The following KIF1B variants were observed in gnomAD, a reference collection of about 807,000 sequenced individuals.
KIF1B encodes kinesin-like protein KIF1B.
In KIF1B, 76 loss-of-function variants were observed where a neutral mutation model predicts 241.9. The observed-to-expected ratio is 0.31, with a 90% CI of 0.26 to 0.38. The LOEUF (loss-of-function observed/expected upper bound fraction) is 0.38. Among genes scored for constraint, KIF1B ranks in the 10% least tolerant of loss-of-function variants. KIF1B has a pLI of 1.00. For missense variants in KIF1B, 1,622 were observed against 2,271.4 expected (o/e 0.71, Z 5.81); for synonymous variants, 750 against 796.7 (o/e 0.94, Z 0.99).
At chr1:10,228,340 C>T (rs1646936298) in intron 1 of KIF1B, among the ~76,000 whole-genome samples, 1 of 149,902 alleles carries the variant, frequency 6.7e-6, no homozygotes, top group African/African-American at 2.5e-5. Flanking sequence ...CCTCTGTAAC[C>T]ATTGATCTAT....
chr1:10,357,315 C>T (rs1427134668), intron 38 of KIF1B, among the ~76,000 whole-genome samples: 1 of 152,246 alleles, frequency 6.6e-6, no homozygotes, highest in Non-Finnish European at 1.5e-5. Flanking sequence ...GGAATTACTT[C>T]TCACCACCTT....
At position 10,321,973 on chromosome 1, in the gene KIF1B, AT is replaced by A; in HGVS notation, c.2358+117del. 4 of 1,069,158 alleles carry A rather than the reference AT, an allele frequency of 3.7e-6. No homozygotes were observed. The South Asian group carries it at 5.4e-5, about 14-fold the overall frequency. 66.2% of individuals were successfully genotyped at this position (1,069,158 alleles called of 1,614,324 possible). On this transcript the variant is annotated intron_variant, in intron 24 of 48. Coordinates refer to ENST00000676179, the MANE Select transcript of KIF1B (RefSeq NM_001365951.3). ...TGGGGGAACTCAGCTGCTTTGTGCT[AT>A]AAAACAGCTTTATATATGTCTTTAT...
At chr1:10,301,559 G>A (rs557882317) in intron 22 of KIF1B, among the ~76,000 whole-genome samples, 10 of 152,126 alleles carry the variant, frequency 6.6e-5, no homozygotes, top group East Asian at 1.9e-4. Context: ...CCAGCTACTC[G>A]GGAGGCTGAG....
intron 1 of KIF1B, among the ~76,000 whole-genome samples, chr1:10,226,832 G>A (rs1278731613): frequency 1.3e-5 from 2 of 151,822 alleles, no homozygotes; most frequent in Non-Finnish European, 2.9e-5. Context: ...GCCAGGCGTG[G>A]TGGCGTGTGC....
chr1:10,325,991 T>A, intron 26 of KIF1B, 120 bp from the exon 27 acceptor site: 1 of 1,324,128 alleles, frequency 7.6e-7, no homozygotes. Flanking sequence ...TGCTTTTCCA[T>A]TTGCTTTTAT....
At chr1:10,273,971 C>T (rs2102217998) in intron 10 of KIF1B, among the ~76,000 whole-genome samples, 1 of 142,444 alleles carries the variant, frequency 7.0e-6, no homozygotes, top group East Asian at 2.1e-4. Flanking sequence ...AGGTCTCTCA[C>T]TGCTGCCCAG....
chr1:10,222,802 G>C (rs1208227083), intron 1 of KIF1B, among the ~76,000 whole-genome samples: 1 of 152,186 alleles, frequency 6.6e-6, no homozygotes, highest in African/African-American at 2.4e-5. Context: ...ATGTCGCAAG[G>C]AAAAGTGGTC....
At chr1:10,305,404 A>G (rs1650779842) in intron 22 of KIF1B, 1 of 1,054,510 alleles carries the variant, frequency 9.5e-7, no homozygotes, top group Non-Finnish European at 1.1e-6. Flanking sequence ...TCAATGTATC[A>G]TTTGACACAC....
At chr1:10,242,048 G>T (rs1422420194) in intron 2 of KIF1B, among the ~76,000 whole-genome samples, 1 of 152,148 alleles carries the variant, frequency 6.6e-6, no homozygotes, top group Admixed American at 6.6e-5. Flanking sequence ...GGTGTTTAGG[G>T]ATGAATGCCT....
At chr1:10,333,428 A>T (rs931294507) in intron 27 of KIF1B, among the ~76,000 whole-genome samples, 1 of 152,158 alleles carries the variant, frequency 6.6e-6, no homozygotes, top group Non-Finnish European at 1.5e-5. Flanking sequence ...GCGGTGGCTC[A>T]CGCCTGTAAT....
chr1:10,242,282 G>A lies in KIF1B; in HGVS notation c.106+9848G>A, dbSNP rs997402941. Among the ~76,000 whole-genome samples the A allele has an allele frequency of 3.3e-5, 5 of 151,850 alleles. No individual in the cohort carries two copies. The East Asian group carries it at 7.8e-4, about 24-fold the overall frequency. The stretch of plus-strand genomic sequence containing the variant: ...ACAGTCATGCGTTGAGAAATGTGTC[G>A]GTAGGTGATTTTGTTGTGCAAACAG... On this transcript the variant is annotated intron_variant, in intron 2 of 48. Transcript: ENST00000676179.
chr1:10,308,258 G>A (rs1650922895), intron 22 of KIF1B: 1 of 1,060,466 alleles, frequency 9.4e-7, no homozygotes, highest in Non-Finnish European at 1.1e-6. Flanking sequence ...ACAAGCATTT[G>A]TCCTGTACTG....
At chr1:10,215,550 G>A (rs995864441) in intron 1 of KIF1B, among the ~76,000 whole-genome samples, 5 of 149,952 alleles carry the variant, frequency 3.3e-5, no homozygotes, top group East Asian at 4.0e-4. Flanking sequence ...ACCATTGCCC[G>A]TTTTTTTCCC....
chr1:10,246,155 A>G (rs1445487769), intron 2 of KIF1B, among the ~76,000 whole-genome samples: 1 of 152,186 alleles, frequency 6.6e-6, no homozygotes, highest in Non-Finnish European at 1.5e-5. Flanking sequence ...CAAACTCAAC[A>G]TGTCCTAAAC....
At chr1:10,213,773 C>A (rs1268845942) in intron 1 of KIF1B, among the ~76,000 whole-genome samples, 1 of 152,018 alleles carries the variant, frequency 6.6e-6, no homozygotes, top group African/African-American at 2.4e-5. Context: ...ACTTCTTGAA[C>A]TTTTTTTGTG....
At chr1:10,352,864 T>C in intron 38 of KIF1B, 128 bp downstream of exon 38, 1 of 691,216 alleles carries the variant, frequency 1.4e-6, no homozygotes, top group East Asian at 2.7e-5. Context: ...CCTTCTAGCT[T>C]CAAAAATCTC....
chr1:10,375,272 T>C lies in KIF1B; in HGVS notation c.5307T>C (p.Ala1769=). 6.2e-7 allele frequency: 1 copy of C among 1,614,172 alleles called. No individual in the cohort carries two copies. The highest frequency in any genetic ancestry group is 8.5e-7 in the Non-Finnish European group (1 of 1,179,986). Reference sequence around the variant, plus strand: ...TCTTTCAGACACCAAACACCTTTGCTGTCTGCACAAAGCACCGTGGGGTCC... The same window carrying C: ...TCTTTCAGACACCAAACACCTTTGCCGTCTGCACAAAGCACCGTGGGGTCC... ...QAMVKTPNTF[A]VCTKHRGVLL... is the part of the protein sequence containing the mutation. Residue 1769 remains alanine, a synonymous_variant, in exon 48 of 49, where the codon GCT becomes GCC. Transcript: ENST00000676179.
At position 10,379,357 on chromosome 1, in the gene KIF1B, C is replaced by G. The variant is rs1638966097; in HGVS notation, c.*2770C>G. The G allele has an allele frequency of 4.3e-6, 1 of 231,194 alleles. No individual in the cohort carries two copies. The highest frequency in any genetic ancestry group is 5.6e-5 in the Admixed American group (1 of 17,708). The allele number at this position is 231,194 out of a possible 1,614,324, so 14.3% of individuals were successfully genotyped here. A position where few individuals can be genotyped will look rare whatever the true frequency, so the allele number is the denominator to read the frequency against. On this transcript the variant is annotated 3_prime_UTR_variant, in exon 49 of 49. Coordinates refer to ENST00000676179, the MANE Select transcript of KIF1B (RefSeq NM_001365951.3). Reference sequence around the variant, plus strand: ...CTGAATAAGAAGGCCTCTTAGGGAGCCAGAGGGAGCAGAGTGGTCGTGTCC... The same window carrying G: ...CTGAATAAGAAGGCCTCTTAGGGAGGCAGAGGGAGCAGAGTGGTCGTGTCC...
At chr1:10,261,667 C>A (rs1648153318) in intron 4 of KIF1B, among the ~76,000 whole-genome samples, 2 of 152,292 alleles carry the variant, frequency 1.3e-5, no homozygotes, top group South Asian at 4.1e-4. Flanking sequence ...AATTTTCCAG[C>A]TTTCTTATAA....
Sources: gnomAD v4.1 joint callset for allele counts (sites outside exome capture counted in the v4.1 genomes callset) on GRCh38, gnomAD v4.1.1 for gene constraint, MANE v1.5 for transcripts, NCBI Gene and HGNC (gene_info 2026-07-23, HGNC 2026-07-21) for gene names.